Variants in NEU3 observed in about 807,000 individuals in gnomAD.
NEU3 encodes sialidase-3.
In NEU3, 10 loss-of-function variants were observed where a neutral mutation model predicts 11.4. That is an observed-to-expected ratio of 0.88 (90% CI 0.54 to 1.49). The LOEUF (loss-of-function observed/expected upper bound fraction) is 1.49, where lower values mean the gene tolerates loss of function less well. NEU3 is among the 40% of genes most tolerant of loss of function. The pLI is 0.00. For missense variants in NEU3, 529 were observed against 581.8 expected, an observed-to-expected ratio of 0.91 and a Z score of 0.93; for synonymous variants, 212 against 228.2, an observed-to-expected ratio of 0.93 and a Z score of 0.64.
At position 74,989,155 on chromosome 11, in the gene NEU3, G is replaced by A. The variant is rs999133840; in HGVS notation, c.94+1G>A. The A allele has an allele frequency of 5.4e-5, 83 of 1,550,762 alleles. No homozygotes were observed. Among genetic ancestry groups the A allele is most frequent in the Middle Eastern group, 5.0e-4 (3 of 6,006 alleles). ...ACGGAGGAGCCGGGGTCCAGTGCAG[G>A]TGAGCGGGGTTGGGAGACAGGAGAG... On this transcript the variant is annotated splice_donor_variant, in intron 1 of 2. Transcript: ENST00000294064. LOFTEE classifies it high-confidence loss of function.
intron 1 of NEU3, among the ~76,000 whole-genome samples, chr11:74,991,178 T>G (rs772439528): frequency 2.6e-5 from 4 of 152,196 alleles, no homozygotes; most frequent in Non-Finnish European, 5.9e-5. Context: ...ATTGTTTGCT[T>G]AGAACAAAGC....
At chr11:75,011,002 C>A (rs1163863086), downstream of NEU3, 1 of 151,856 alleles carries the variant, frequency 6.6e-6, no homozygotes, top group African/African-American at 2.4e-5. Context: ...GAGGCAATTT[C>A]TTGGTTTTTC....
downstream of NEU3, among the ~76,000 whole-genome samples, chr11:75,014,758 G>A (rs889125083): frequency 1.3e-5 from 2 of 151,958 alleles, no homozygotes; most frequent in African/African-American, 2.4e-5. Context: ...CCAGCTACTC[G>A]AGAGGCTGAG....
Position 75,006,010 on chromosome 11 carries a change from A to C in NEU3, c.904A>C (p.Ser302Arg), listed in dbSNP as rs745827893. 6.2e-6 allele frequency: 10 copies of C among 1,613,868 alleles called. No individual in the cohort carries two copies. The highest frequency in any genetic ancestry group is 8.5e-6 in the Non-Finnish European group (10 of 1,179,902). The change falls in exon 3 of 3, where the codon AGT (serine) becomes CGT (arginine). Residue 302 changes from serine to arginine, a missense_variant. Transcript: ENST00000294064. ...TGAAGGCTTTCAGAGACTGGCCCTG[A>C]GTCGACAGCTCTGTGAGCCCCCACA... ...HGEGFQRLAL[S>R]RQLCEPPHGC...
chr11:75,018,832 A>G (rs1478879005), exon 4 of NEU3: 1 of 152,478 alleles, frequency 6.6e-6, no homozygotes, highest in Admixed American at 6.5e-5. Flanking sequence ...AGAGAGAAAA[A>G]TGTGGAAAAG....
At position 75,008,744 on chromosome 11, in the gene NEU3, C is replaced by G. The variant is rs999736838; in HGVS notation, c.*2252C>G. 6.6e-6 allele frequency: 1 copy of G among 151,822 alleles called. No homozygotes were observed. The highest frequency in any genetic ancestry group is 1.5e-5 in the Non-Finnish European group (1 of 67,984). The allele number at this position is 151,822 out of a possible 1,614,324, so 9.4% of individuals were successfully genotyped here. ...TAATTTTTTGTATTTTTAGTAGAGA[C>G]GGGGTTTCACCATGTTGGCCAGGCT... On this transcript the variant is annotated 3_prime_UTR_variant, in exon 3 of 3. Transcript: ENST00000294064.
At chr11:75,003,717 C>T (rs1434148559) in intron 2 of NEU3, among the ~76,000 whole-genome samples, 3 of 152,136 alleles carry the variant, frequency 2.0e-5, no homozygotes, top group South Asian at 4.2e-4. Flanking sequence ...TGGTGAAACC[C>T]CATCTCTACT....
At chr11:75,014,287 T>C (rs1275384494), downstream of NEU3, among the ~76,000 whole-genome samples, 7 of 152,204 alleles carry the variant, frequency 4.6e-5, no homozygotes, top group Non-Finnish European at 1.0e-4. Flanking sequence ...TGAAGCTGAC[T>C]TAGTGCCAGA....
chr11:75,001,685 C>T (rs1379410332), intron 2 of NEU3, among the ~76,000 whole-genome samples: 3 of 152,332 alleles, frequency 2.0e-5, no homozygotes, highest in African/African-American at 7.2e-5. Context: ...ATTGCTCCAG[C>T]TAGTTGAGAG....
At chr11:75,004,496 C>T in intron 2 of NEU3, 1 of 455,468 alleles carries the variant, frequency 2.2e-6, no homozygotes, top group Non-Finnish European at 3.9e-6. Flanking sequence ...TGCCCTTTGC[C>T]CATTTCTGTT....
chr11:74,982,909 C>G, the NEU3 span, among the ~76,000 whole-genome samples: 1 of 152,162 alleles, frequency 6.6e-6, no homozygotes. Flanking sequence ...TCCACCACCT[C>G]TCACACTTCT....
rs1228157504 is a variant in NEU3, at chr11:75,007,475, A to G, written c.*983A>G. On this transcript the variant is annotated 3_prime_UTR_variant, in exon 3 of 3. Transcript: ENST00000294064. ...CTCCTGATGTAATTTTCTTAGTTGC[A>G]TCTTCAATATGCCTGGAGTCGTCTG... 1 of 152,186 alleles carries G rather than the reference A, an allele frequency of 6.6e-6. No individual in the cohort carries two copies. Among genetic ancestry groups the G allele is most frequent in the East Asian group, 1.9e-4 (1 of 5,196 alleles). 9.4% of individuals were successfully genotyped at this position (152,186 alleles called of 1,614,324 possible).
At position 74,990,364 on chromosome 11, in the gene NEU3, C is replaced by CT. The variant is rs949502355; in HGVS notation, c.94+1220dup. On this transcript the variant is annotated intron_variant, in intron 1 of 2. Transcript: ENST00000294064. ...TATTTCCCTATTTCCTCTCCATTTC[C>CT]TTTTTTTTTTGAGATGGAGTCTTGC... 1.2e-3 allele frequency among the ~76,000 whole-genome samples: 182 copies of CT among 148,214 alleles called. 1 individual carries two copies. Among genetic ancestry groups the CT allele is most frequent in the Non-Finnish European group, 1.3e-3 (84 of 66,646 alleles).
intron 1 of NEU3, chr11:74,989,903 C>A (rs1948711638): frequency 2.9e-6 from 2 of 686,078 alleles, no homozygotes; most frequent in South Asian, 3.1e-5. Context: ...CATTTGAATT[C>A]TCTGCTTAAA....
intron 1 of NEU3, among the ~76,000 whole-genome samples, chr11:74,991,172 T>C (rs1948728234): frequency 6.6e-6 from 1 of 152,204 alleles, no homozygotes; most frequent in Admixed American, 6.5e-5. Context: ...AGACAGATTG[T>C]TTGCTTAGAA....
In NEU3 at chr11:75,008,005, C is replaced by G. The variant is rs1383123541; in HGVS notation, c.*1513C>G. The G allele has an allele frequency of 6.6e-6, 1 of 152,092 alleles. No individual in the cohort carries two copies. The highest frequency in any genetic ancestry group is 2.4e-5 in the African/African-American group (1 of 41,414). 9.4% of individuals were successfully genotyped at this position (152,092 alleles called of 1,614,324 possible). On this transcript the variant is annotated 3_prime_UTR_variant, in exon 3 of 3. Transcript: ENST00000294064. ...AGGATAAAAGTGGAGATTAACTTTA[C>G]CTACTTTAGCAGATTGCTTAAGCCA...
Position 75,006,626 on chromosome 11 carries a change from A to G in NEU3, c.*134A>G. 2.6e-6 allele frequency: 3 copies of G among 1,137,212 alleles called. No homozygotes were observed. The highest frequency in any genetic ancestry group is 3.6e-6 in the Non-Finnish European group (3 of 829,848). The allele number at this position is 1,137,212 out of a possible 1,614,324, so 70.4% of individuals were successfully genotyped here. A position where few individuals can be genotyped will look rare whatever the true frequency, so the allele number is the denominator to read the frequency against. On this transcript the variant is annotated 3_prime_UTR_variant, in exon 3 of 3. Coordinates refer to ENST00000294064, the MANE Select transcript of NEU3 (RefSeq NM_006656.6). ...TTTTTTCACTTTTCCTCCTCCAAAG[A>G]GCAAAATGAAAATTTTGCCTTAGCT...
At chr11:75,000,337 G>C (rs1194317565) in intron 2 of NEU3, among the ~76,000 whole-genome samples, 7 of 152,040 alleles carry the variant, frequency 4.6e-5, no homozygotes, top group Non-Finnish European at 5.9e-5. Context: ...CCAATCTTCA[G>C]AACTTTTGAT....
downstream of NEU3, among the ~76,000 whole-genome samples, chr11:75,012,923 C>T (rs1057008949): frequency 1.3e-5 from 2 of 152,194 alleles, no homozygotes; most frequent in African/African-American, 2.4e-5. Context: ...TGATCACCTT[C>T]GCTATGTTCT....
Sources: gnomAD v4.1 joint callset for allele counts (sites outside exome capture counted in the v4.1 genomes callset) on GRCh38, gnomAD v4.1.1 for gene constraint, MANE v1.5 for transcripts, NCBI Gene and HGNC (gene_info 2026-07-23, HGNC 2026-07-21) for gene names.